The following DGLUCY variants were observed in gnomAD, a reference collection of about 807,000 sequenced individuals.
The protein encoded by DGLUCY is D-glutamate cyclase, also known as D-glutamate cyclase, mitochondrial.
Under a neutral mutation model 58.5 loss-of-function variants are expected in DGLUCY, and 58 were observed. That is an observed-to-expected ratio of 0.99 (90% CI 0.80 to 1.23). DGLUCY has a LOEUF of 1.23. Ranked by LOEUF, DGLUCY falls within the 50% of genes most tolerant of loss-of-function variation. The pLI, the probability that DGLUCY is intolerant of heterozygous loss-of-function variation, is 0.00. For synonymous variants in DGLUCY, 325 were observed against 314.1 expected (o/e 1.03, Z -0.37); for missense variants, 779 against 784.7 (o/e 0.99, Z 0.09).
At chr14:91,186,263 T>G (rs993106318) in intron 8 of DGLUCY, among the ~76,000 whole-genome samples, 7 of 152,122 alleles carry the variant, frequency 4.6e-5, no homozygotes, top group African/African-American at 1.7e-4. Context: ...CCCCCTTTTT[T>G]TGAGACAGAG....
At chr14:91,130,748 AG>A (rs902811573) in intron 1 of DGLUCY, among the ~76,000 whole-genome samples, 2 of 152,028 alleles carry the variant, frequency 1.3e-5, no homozygotes, top group Admixed American at 1.3e-4. Flanking sequence ...CCTCCCAAGT[AG>A]TTGGGACCAC....
intron 10 of DGLUCY, among the ~76,000 whole-genome samples, chr14:91,197,530 A>T (rs942997213): frequency 6.6e-6 from 1 of 152,214 alleles, no homozygotes; most frequent in Non-Finnish European, 1.5e-5. Context: ...TCTGTGCTCC[A>T]TTCAAAGATA....
At chr14:91,213,426 C>G (rs1214405922) in intron 12 of DGLUCY, among the ~76,000 whole-genome samples, 1 of 151,532 alleles carries the variant, frequency 6.6e-6, no homozygotes, top group Non-Finnish European at 1.5e-5. Flanking sequence ...CAGAGCAAGA[C>G]TTGCTCTCAA....
At chr14:91,201,752 TTAA>T (rs1001286553) in intron 11 of DGLUCY, among the ~76,000 whole-genome samples, 6 of 152,104 alleles carry the variant, frequency 3.9e-5, no homozygotes, top group Admixed American at 1.3e-4. Context: ...CCTTCAGTCG[TTAA>T]TAATATAATA....
intron 1 of DGLUCY, among the ~76,000 whole-genome samples, chr14:91,140,787 G>C (rs151097262): frequency 4.1e-4 from 63 of 152,354 alleles, no homozygotes; most frequent in African/African-American, 1.5e-3. Flanking sequence ...CTTTTGAAAT[G>C]AGTATCAACC....
At chr14:91,207,056 G>A (rs182974271) in intron 12 of DGLUCY, among the ~76,000 whole-genome samples, 1 of 151,022 alleles carries the variant, frequency 6.6e-6, no homozygotes, top group Admixed American at 6.6e-5. Context: ...TACGTGGGGG[G>A]GCTGAGGTGG....
chr14:91,210,654 G>C (rs1885535616), intron 12 of DGLUCY, among the ~76,000 whole-genome samples: 1 of 152,144 alleles, frequency 6.6e-6, no homozygotes, highest in Non-Finnish European at 1.5e-5. Flanking sequence ...AAAAGCATTT[G>C]ACAAAAGCAA....
chr14:91,113,345 C>T (rs981893276), upstream of DGLUCY, among the ~76,000 whole-genome samples: 1 of 152,102 alleles, frequency 6.6e-6, no homozygotes, highest in African/African-American at 2.4e-5. Context: ...TTCGACTGCA[C>T]GAGGTTCAGT....
At chr14:91,182,696 T>C (rs1011118610) in intron 8 of DGLUCY, among the ~76,000 whole-genome samples, 1 of 152,094 alleles carries the variant, frequency 6.6e-6, no homozygotes, top group African/African-American at 2.4e-5. Flanking sequence ...GCAGGGATAG[T>C]GATGGGGTAG....
intron 1 of DGLUCY, among the ~76,000 whole-genome samples, chr14:91,062,821 C>G (rs1411851228): frequency 6.6e-6 from 1 of 151,848 alleles, no homozygotes; most frequent in African/African-American, 2.4e-5. Flanking sequence ...ACTTACTTGT[C>G]TTTCTCCTGC....
At chr14:91,142,840 A>AACACACACACACACACAC (rs558892923) in intron 1 of DGLUCY, among the ~76,000 whole-genome samples, 2 of 124,302 alleles carry the variant, frequency 1.6e-5, no homozygotes, top group African/African-American at 6.1e-5. Flanking sequence ...ATCTCTACTA[A>AACACACACACACACACAC]ACACACACAC....
At chr14:91,135,326 C>T (rs962642565) in intron 1 of DGLUCY, among the ~76,000 whole-genome samples, 3 of 152,040 alleles carry the variant, frequency 2.0e-5, no homozygotes, top group East Asian at 1.9e-4. Context: ...CTGATCTTCA[C>T]GGGGATGCTT....
intron 9 of DGLUCY, among the ~76,000 whole-genome samples, chr14:91,195,644 G>A (rs1396115629): frequency 2.7e-5 from 4 of 150,678 alleles, no homozygotes; most frequent in Non-Finnish European, 4.4e-5. Context: ...CTTTAAAATC[G>A]CGATAATGAT....
At chr14:91,068,723 T>G (rs942007961) in intron 1 of DGLUCY, among the ~76,000 whole-genome samples, 3 of 152,178 alleles carry the variant, frequency 2.0e-5, no homozygotes, top group South Asian at 2.1e-4. Flanking sequence ...CTCTCCTCCC[T>G]TGGAATCTTC....
At chr14:91,099,385 T>C (rs1441471090) in intron 1 of DGLUCY, among the ~76,000 whole-genome samples, 1 of 151,926 alleles carries the variant, frequency 6.6e-6, no homozygotes, top group African/African-American at 2.4e-5. Flanking sequence ...ATACAAAAAT[T>C]AGCCAGGCAT....
intron 13 of DGLUCY, chr14:91,215,768 C>T: frequency 2.8e-6 from 4 of 1,410,602 alleles, no homozygotes; most frequent in Non-Finnish European, 3.7e-6. Flanking sequence ...ATCCAAGTGA[C>T]CATTTTCCTT....
At chr14:91,207,578 C>A (rs979190817) in intron 12 of DGLUCY, among the ~76,000 whole-genome samples, 2 of 152,118 alleles carry the variant, frequency 1.3e-5, no homozygotes, top group Non-Finnish European at 2.9e-5. Context: ...CTAGACATAT[C>A]ATATTCAAAC....
At chr14:91,130,527 C>T (rs772206733) in intron 1 of DGLUCY, among the ~76,000 whole-genome samples, 2 of 151,970 alleles carry the variant, frequency 1.3e-5, no homozygotes, top group Non-Finnish European at 2.9e-5. Context: ...AGGATGGTCT[C>T]GATCTCTTGA....
At chr14:91,192,447 C>T (rs949425368) in intron 9 of DGLUCY, among the ~76,000 whole-genome samples, 4 of 151,982 alleles carry the variant, frequency 2.6e-5, no homozygotes, top group Non-Finnish European at 4.4e-5. Context: ...ATGTGAAATA[C>T]TTTATGCTAC....
Sources: allele counts gnomAD v4.1 joint callset (sites outside exome capture counted in the v4.1 genomes callset), GRCh38; gene constraint gnomAD v4.1.1; transcripts MANE v1.5; gene names NCBI Gene and HGNC (gene_info 2026-07-23, HGNC 2026-07-21).